Variants in SCART1 observed in about 807,000 individuals in gnomAD.
SCART1 encodes the protein scavenger receptor family member expressed on T cells 1.
In SCART1, 62 loss-of-function variants were observed where a neutral mutation model predicts 36.2. The observed-to-expected ratio is 1.71, with a 90% CI of 1.40 to 2.12. The LOEUF (loss-of-function observed/expected upper bound fraction) is 2.12. Among genes scored for constraint, SCART1 ranks in the 30% most tolerant of loss-of-function variants. The probability of loss-of-function intolerance (pLI) is 0.00; values close to 1 mark genes in which losing one functional copy is unlikely to be tolerated. For synonymous variants in SCART1, 487 were observed against 238.7 expected, an observed-to-expected ratio of 2.04 and a Z score of -9.59; for missense variants, 1,041 against 540.5, an observed-to-expected ratio of 1.93 and a Z score of -9.18.
intron 1 of SCART1, among the ~76,000 whole-genome samples, chr10:133,454,622 C>T (rs1012402482): frequency 4.6e-5 from 7 of 151,798 alleles, no homozygotes; most frequent in African/African-American, 9.7e-5. Flanking sequence ...GAGGGAGCCC[C>T]GGGGACCTGC....
chr10:133,468,205 A>G (rs567723458), exon 12 of SCART1: 12 of 373,156 alleles, frequency 3.2e-5, no homozygotes, highest in South Asian at 9.9e-5. Context: ...CACACATTAC[A>G]GCAAATGCAA....
chr10:133,466,496 T>C, intron 10 of SCART1, 115 bp downstream of exon 10: 2 of 604,286 alleles, frequency 3.3e-6, no homozygotes, highest in Non-Finnish European at 5.9e-6. Flanking sequence ...CAGTCAGGCC[T>C]ATGCAGACCT....
chr10:133,464,892 C>T (rs1850744961), exon 7 of SCART1: 1 of 702,804 alleles, frequency 1.4e-6, no homozygotes, highest in African/African-American at 1.7e-5. Flanking sequence ...CACCCGCACT[C>T]TTGCGACCTT....
intron 2 of SCART1, 141 bp downstream of exon 2, chr10:133,456,695 C>G (rs1035284030): frequency 2.2e-5 from 13 of 580,754 alleles, no homozygotes; most frequent in Admixed American, 1.8e-4. Flanking sequence ...GTCTGGAGCT[C>G]TCTCTGGGAG....
chr10:133,458,478 G>A, exon 4 of SCART1: 1 of 691,774 alleles, frequency 1.4e-6, no homozygotes, highest in Non-Finnish European at 2.6e-6. Flanking sequence ...TGGTGTGCCG[G>A]GAGCTGCAGT....
chr10:133,460,612 C>A (rs566014709), intron 6 of SCART1, among the ~76,000 whole-genome samples: 1 of 151,226 alleles, frequency 6.6e-6, no homozygotes, highest in Admixed American at 6.6e-5. Flanking sequence ...CACCGGTCAC[C>A]GCAGTCTTGA....
chr10:133,464,465 T>C, intron 6 of SCART1, 141 bp from the exon 7 acceptor site: 1 of 587,906 alleles, frequency 1.7e-6, no homozygotes, highest in Non-Finnish European at 3.0e-6. Flanking sequence ...GTAGCTCTAG[T>C]TTAAATTTTC....
At chr10:133,457,894 T>C in intron 3 of SCART1, 1 of 514,242 alleles carries the variant, frequency 1.9e-6, no homozygotes, top group African/African-American at 1.9e-5. Context: ...TGGGTAGAGG[T>C]CACTTCTTCC....
At chr10:133,456,609 CGAGGAGGAG>C (rs911901390) in intron 2 of SCART1, 55 bp downstream of exon 2, 50 of 603,390 alleles carry the variant, frequency 8.3e-5, no homozygotes, top group Non-Finnish European at 1.2e-4. Context: ...AGTGGGAGGA[CGAGGAGGAG>C]GACTGGGAGG....
chr10:133,455,371 T>C (rs566014474), intron 1 of SCART1, among the ~76,000 whole-genome samples: 2 of 152,020 alleles, frequency 1.3e-5, no homozygotes, highest in African/African-American at 4.8e-5. Flanking sequence ...GGATGAAGAC[T>C]GAGAGAGAGG....
chr10:133,456,196 G>A (rs1418142674), intron 1 of SCART1, 41 bp from the exon 2 acceptor site: 4 of 680,266 alleles, frequency 5.9e-6, no homozygotes, highest in East Asian at 2.7e-5. Flanking sequence ...CTGCGCCTCT[G>A]GTTGGTTCTG....
intron 4 of SCART1, 101 bp from the exon 5 acceptor site, chr10:133,458,918 GCT>G (rs1447224214): frequency 8.0e-6 from 5 of 623,528 alleles, no homozygotes; most frequent in Non-Finnish European, 1.4e-5. Context: ...CCAAGGCTGG[GCT>G]CTGTGCCCAT....
At chr10:133,466,757 C>T (rs1850769701) in intron 10 of SCART1, among the ~76,000 whole-genome samples, 1 of 152,216 alleles carries the variant, frequency 6.6e-6, no homozygotes, top group Middle Eastern at 3.2e-3. Context: ...ATGCAAGGAA[C>T]AGTAGATAAA....
chr10:133,464,903 C>G, exon 7 of SCART1: 1 of 702,912 alleles, frequency 1.4e-6, no homozygotes, highest in East Asian at 2.7e-5. Flanking sequence ...TTGCGACCTT[C>G]GAGAGCAGGT....
At chr10:133,465,906 A>G in intron 9 of SCART1, 1 of 676,812 alleles carries the variant, frequency 1.5e-6, no homozygotes, top group East Asian at 2.9e-5. Flanking sequence ...TGATGACCTT[A>G]GCAAAAGCAG....
At chr10:133,455,686 C>T (rs545283724) in intron 1 of SCART1, among the ~76,000 whole-genome samples, 31 of 151,796 alleles carry the variant, frequency 2.0e-4, no homozygotes, top group African/African-American at 5.8e-4. Flanking sequence ...GCTCAGAGAC[C>T]GGAGGGTGAG....
At chr10:133,469,117 T>A (rs1850791727) in exon 12 of SCART1, 1 of 152,220 alleles carries the variant, frequency 6.6e-6, no homozygotes, top group Non-Finnish European at 1.5e-5. Flanking sequence ...GATTTGCATT[T>A]CTCTAATGAC....
At chr10:133,455,139 C>T (rs758940976) in intron 1 of SCART1, among the ~76,000 whole-genome samples, 15 of 151,940 alleles carry the variant, frequency 9.9e-5, no homozygotes, top group Non-Finnish European at 1.6e-4. Context: ...TGGTAGTGGG[C>T]GCCTATAATT....
chr10:133,465,572 G>A lies in SCART1; in HGVS notation c.2659+7G>A. The A allele has an allele frequency of 3.5e-6, 2 of 572,160 alleles. No individual in the cohort carries two copies. The highest frequency in any genetic ancestry group is 4.5e-4 in the Middle Eastern group (1 of 2,202). The allele number at this position is 572,160 out of a possible 1,614,324, so 35.4% of individuals were successfully genotyped here. ...GCGGGCGTGCGCTGCTGGGGTGAGT[G>A]GGGGGCGGTGGGAAGTCGGTCATGG... On this transcript the variant is annotated splice_region_variant and intron_variant, in intron 9 of 11. Transcript: ENST00000640237.
Sources: allele counts gnomAD v4.1 joint callset (sites outside exome capture counted in the v4.1 genomes callset), GRCh38; gene constraint gnomAD v4.1.1; transcripts MANE v1.5; gene names NCBI Gene and HGNC (gene_info 2026-07-23, HGNC 2026-07-21).